Variants in MADD observed in about 807,000 individuals in gnomAD.
MADD encodes MAP kinase-activating death domain protein.
Under a neutral mutation model 176.7 loss-of-function variants are expected in MADD, and 109 were observed. The observed-to-expected ratio is 0.62, with a 90% confidence interval of 0.53 to 0.72. The LOEUF (loss-of-function observed/expected upper bound fraction) is 0.72. Ranked by LOEUF, MADD falls within the 30% of genes least tolerant of loss-of-function variation. The pLI, the probability that MADD is intolerant of heterozygous loss-of-function variation, is 0.00. For missense variants in MADD, 1,914 were observed against 2,045.5 expected, an observed-to-expected ratio of 0.94 and a Z score of 1.24; for synonymous variants, 771 against 771.3, an observed-to-expected ratio of 1.00 and a Z score of 0.01.
At chr11:47,278,446 T>C (rs890857237) in intron 6 of MADD, among the ~76,000 whole-genome samples, 168 bp downstream of exon 6, 1 of 152,252 alleles carries the variant, frequency 6.6e-6, no homozygotes, top group African/African-American at 2.4e-5. Flanking sequence ...TTTTACCTTA[T>C]TAGCCAAATA....
chr11:47,315,460 T>A (rs2092479042), intron 27 of MADD, 133 bp downstream of exon 30: 1 of 558,736 alleles, frequency 1.8e-6, no homozygotes, highest in Non-Finnish European at 3.2e-6. Context: ...ATTATCAGAT[T>A]GGTTTTTTTG....
chr11:47,277,261 CAGTA>C (rs780178398), intron 5 of MADD, among the ~76,000 whole-genome samples: 1 of 88,802 alleles, frequency 1.1e-5, no homozygotes, highest in Non-Finnish European at 2.2e-5. Flanking sequence ...GAATTAGACA[CAGTA>C]AGAGAGTAAC....
chr11:47,324,918 G>C (rs772743643), intron 30 of MADD: 78 of 600,370 alleles, frequency 1.3e-4, no homozygotes, highest in Admixed American at 9.2e-4. Context: ...CTATTCCCAG[G>C]ATATGCTTCT....
chr11:47,290,517 C>A, intron 18 of MADD, 93 bp from the exon 20 acceptor site: 1 of 1,363,380 alleles, frequency 7.3e-7, no homozygotes, highest in Non-Finnish European at 1.0e-6. Context: ...TCTTCCATTC[C>A]GCACCCTCCT....
intron 2 of MADD, 105 bp from the exon 3 acceptor site, chr11:47,274,458 A>T: frequency 1.1e-6 from 1 of 944,990 alleles, no homozygotes; most frequent in Non-Finnish European, 1.6e-6. Context: ...CAGTCAGGTT[A>T]CTTTATCCAA....
At chr11:47,305,675 C>T (rs925324231) in intron 22 of MADD, among the ~76,000 whole-genome samples, 3 of 152,122 alleles carry the variant, frequency 2.0e-5, no homozygotes, top group African/African-American at 7.2e-5. Flanking sequence ...CGTGGCAGAG[C>T]ACAGCTGTCA....
At chr11:47,273,755 C>A in intron 1 of MADD, 72 bp from the exon 2 acceptor site, 1 of 598,164 alleles carries the variant, frequency 1.7e-6, no homozygotes, top group Non-Finnish European at 3.0e-6. Context: ...TGCCTCTGGC[C>A]GGGAAGAAGT....
chr11:47,326,851 T>C (rs1281139517), intron 31 of MADD, 44 bp downstream of exon 35: 1 of 1,612,128 alleles, frequency 6.2e-7, no homozygotes, highest in Non-Finnish European at 8.5e-7. Context: ...CACATGGCAG[T>C]AACTCAAACC....
intron 31 of MADD, chr11:47,328,165 G>A: frequency 9.6e-7 from 1 of 1,037,846 alleles, no homozygotes; most frequent in Non-Finnish European, 1.2e-6. Context: ...AAGACCCTCT[G>A]TGTAGGGGGC....
At chr11:47,270,764 A>G (rs1961335774) in intron 1 of MADD, 1 of 152,082 alleles carries the variant, frequency 6.6e-6, no homozygotes, top group Non-Finnish European at 1.5e-5. Flanking sequence ...TCGTGTATCT[A>G]CCTTCTTCCA....
chr11:47,314,398 G>T (rs905704624), intron 26 of MADD, among the ~76,000 whole-genome samples: 1 of 152,164 alleles, frequency 6.6e-6, no homozygotes, highest in African/African-American at 2.4e-5. Context: ...ATGTAACAAT[G>T]TAAAATGTTC....
chr11:47,290,001 A>T (rs2063820188), exon 17 of MADD: 1 of 1,614,058 alleles, frequency 6.2e-7, no homozygotes, highest in African/African-American at 1.3e-5. Context: ...AGCAAGCTGA[A>T]CCGCATGGTG....
At chr11:47,276,788 G>T (rs1267468946) in exon 5 of MADD, 2 of 1,614,030 alleles carry the variant, frequency 1.2e-6, no homozygotes, top group African/African-American at 2.7e-5. Context: ...TGGCATTCGT[G>T]GCAATGATCT....
intron 19 of MADD, among the ~76,000 whole-genome samples, chr11:47,293,492 AGG>A (rs895165738): frequency 6.6e-6 from 1 of 151,908 alleles, no homozygotes; most frequent in African/African-American, 2.4e-5. Context: ...TGGTAGAGAC[AGG>A]GTTTCATCAT....
At chr11:47,285,369 T>C (rs1337897582) in intron 13 of MADD, 82 bp from the exon 14 acceptor site, 2 of 1,587,948 alleles carry the variant, frequency 1.3e-6, no homozygotes, top group South Asian at 1.1e-5. Flanking sequence ...GAGTGGCAAC[T>C]GTAGTATAGC....
At chr11:47,278,827 G>A (rs1016398988) in intron 6 of MADD, among the ~76,000 whole-genome samples, 172 bp from the exon 7 acceptor site, 4 of 152,100 alleles carry the variant, frequency 2.6e-5, no homozygotes, top group African/African-American at 9.7e-5. Context: ...TTTCATTTCA[G>A]ATGCATATGT....
chr11:47,310,656 A>G (rs1196707970), intron 25 of MADD, among the ~76,000 whole-genome samples: 1 of 152,080 alleles, frequency 6.6e-6, no homozygotes, highest in Non-Finnish European at 1.5e-5. Context: ...CTGTAATCCA[A>G]GCACTTTGGG....
At chr11:47,278,358 A>T in intron 6 of MADD, 80 bp downstream of exon 6, 1 of 1,079,864 alleles carries the variant, frequency 9.3e-7, no homozygotes. Flanking sequence ...CTGTTTCTAG[A>T]TTCCTTTCAG....
At chr11:47,276,962 C>G in intron 5 of MADD, 99 bp downstream of exon 5, 1 of 1,379,750 alleles carries the variant, frequency 7.2e-7, no homozygotes, top group East Asian at 2.4e-5. Context: ...GTCCTCAATC[C>G]TTTGTCATAA....
Sources: allele counts gnomAD v4.1 joint callset (sites outside exome capture counted in the v4.1 genomes callset), GRCh38; gene constraint gnomAD v4.1.1; transcripts MANE v1.5; gene names NCBI Gene and HGNC (gene_info 2026-07-23, HGNC 2026-07-21).